CTNNA2: variants seen among roughly 807,000 people sequenced by gnomAD.
The protein encoded by CTNNA2 is catenin alpha-2.
CTNNA2 carries 42 observed loss-of-function variants against 101.0 expected under a neutral mutation model. The ratio of observed to expected loss-of-function variants is 0.42; its 90% CI spans 0.32 to 0.54. The LOEUF is 0.54. Ranked by LOEUF, CTNNA2 falls within the 20% of genes least tolerant of loss-of-function variation. The pLI is 0.14. For synonymous variants in CTNNA2, 450 were observed against 456.4 expected (o/e 0.99, Z 0.18); for missense variants, 871 against 1,223.1 (o/e 0.71, Z 4.29).
chr2:80,290,302 A>C (rs547452711), intron 7 of CTNNA2, among the ~76,000 whole-genome samples: 1 of 152,272 alleles, frequency 6.6e-6, no homozygotes, highest in East Asian at 1.9e-4. Flanking sequence ...GGAGCTGATA[A>C]GACAAAGTCC....
intron 7 of CTNNA2, among the ~76,000 whole-genome samples, chr2:79,969,098 A>T (rs1244371028): frequency 1.3e-5 from 2 of 152,172 alleles, no homozygotes; most frequent in African/African-American, 4.8e-5. Flanking sequence ...CAGACTGTTG[A>T]CTTCAGGGAC....
At chr2:80,150,843 A>G (rs1573231565) in intron 7 of CTNNA2, among the ~76,000 whole-genome samples, 1 of 152,108 alleles carries the variant, frequency 6.6e-6, no homozygotes, top group East Asian at 1.9e-4. Context: ...AAAATATATC[A>G]CCCTTTTATT....
chr2:79,314,833 CT>C (rs1371554860), intron 3 of CTNNA2, among the ~76,000 whole-genome samples: 8 of 152,180 alleles, frequency 5.3e-5, no homozygotes, highest in African/African-American at 1.9e-4. Context: ...CCTCCAGACA[CT>C]TCATTTACTT....
intron 3 of CTNNA2, among the ~76,000 whole-genome samples, chr2:79,368,214 G>C (rs79018907): frequency 1.3e-5 from 2 of 152,172 alleles, no homozygotes; most frequent in African/African-American, 2.4e-5. Flanking sequence ...TATATTTAAC[G>C]TAAGACTCCT....
At chr2:80,094,618 T>C (rs999443594) in intron 7 of CTNNA2, among the ~76,000 whole-genome samples, 1 of 151,702 alleles carries the variant, frequency 6.6e-6, no homozygotes, top group African/African-American at 2.4e-5. Flanking sequence ...TTTCACGATA[T>C]TGATTCTTCC....
chr2:79,203,488 A>G (rs1674063561), intron 2 of CTNNA2, among the ~76,000 whole-genome samples: 1 of 152,180 alleles, frequency 6.6e-6, no homozygotes, highest in Non-Finnish European at 1.5e-5. Context: ...AGCCAATGGA[A>G]ATGCTGCTGG....
At chr2:79,721,631 A>C (rs2104866112) in intron 2 of CTNNA2, among the ~76,000 whole-genome samples, 1 of 152,326 alleles carries the variant, frequency 6.6e-6, no homozygotes, top group East Asian at 1.9e-4. Context: ...ATGCACAAAC[A>C]CACACATACT....
chr2:80,238,852 G>A (rs1442710005), intron 7 of CTNNA2, among the ~76,000 whole-genome samples: 2 of 152,192 alleles, frequency 1.3e-5, no homozygotes, highest in African/African-American at 2.4e-5. Flanking sequence ...ACGCCACAGG[G>A]ATAAATCAGA....
chr2:79,769,363 G>A (rs1276651045), intron 3 of CTNNA2, among the ~76,000 whole-genome samples: 1 of 152,120 alleles, frequency 6.6e-6, no homozygotes, highest in Non-Finnish European at 1.5e-5. Flanking sequence ...GATGTTCAAG[G>A]AGACTGAAGT....
rs917868449 is a variant in CTNNA2, at chr2:79,590,201, A to G, written c.-5-61351A>G. Reference sequence around the variant, plus strand: ...GAGGAGGCGGGTGAGCTTTTCCTCTAGCAACTTTGCTGAAACATGTATACT... The same window carrying G: ...GAGGAGGCGGGTGAGCTTTTCCTCTGGCAACTTTGCTGAAACATGTATACT... On this transcript the variant is annotated intron_variant, in intron 1 of 18. Transcript: ENST00000402739. Among the ~76,000 whole-genome samples the G allele has an allele frequency of 2.0e-5, 3 of 152,216 alleles. No individual in the cohort carries two copies. The South Asian group carries it at 6.2e-4, about 31-fold the overall frequency.
intron 7 of CTNNA2, among the ~76,000 whole-genome samples, chr2:80,024,088 GAAAA>G (rs1158051768): frequency 5.5e-5 from 3 of 54,744 alleles, no homozygotes; most frequent in East Asian, 5.8e-4. Flanking sequence ...CTCCGTCTCA[GAAAA>G]AAAAAAAAAA....
chr2:80,567,867 C>T (rs1417283946), intron 12 of CTNNA2, among the ~76,000 whole-genome samples: 1 of 152,066 alleles, frequency 6.6e-6, no homozygotes, highest in Admixed American at 6.5e-5. Context: ...TTTTTAGATT[C>T]CTTTCAATGC....
intron 7 of CTNNA2, among the ~76,000 whole-genome samples, chr2:80,280,368 A>G (rs943687227): frequency 1.3e-4 from 20 of 151,388 alleles, no homozygotes; most frequent in African/African-American, 4.4e-4. Context: ...AAGTTGGTCT[A>G]TACATATCAA....
chr2:80,409,605 A>G (rs1440087185), intron 8 of CTNNA2, among the ~76,000 whole-genome samples: 1 of 152,174 alleles, frequency 6.6e-6, no homozygotes, highest in Non-Finnish European at 1.5e-5. Flanking sequence ...ATGCCAGTGG[A>G]AGGAATAAAT....
chr2:80,558,442 TGG>T (rs1693236378), intron 12 of CTNNA2, among the ~76,000 whole-genome samples: 1 of 78,136 alleles, frequency 1.3e-5, no homozygotes, highest in Admixed American at 1.8e-4. Flanking sequence ...AAAGTTTTGT[TGG>T]TGTGTGTGTG....
intron 7 of CTNNA2, among the ~76,000 whole-genome samples, chr2:80,120,742 C>G (rs1029699903): frequency 1.3e-5 from 2 of 152,058 alleles, no homozygotes; most frequent in African/African-American, 4.8e-5. Flanking sequence ...TATCAGGGCT[C>G]CGGATCATAT....
At chr2:80,304,907 CAAAAAAAAAAA>C (rs56174873) in intron 7 of CTNNA2, among the ~76,000 whole-genome samples, 10 of 73,818 alleles carry the variant, frequency 1.4e-4, no homozygotes, top group Admixed American at 7.8e-4. Context: ...GTCCATATTT[CAAAAAAAAAAA>C]AAAAAAAAAA....
intron 4 of CTNNA2, among the ~76,000 whole-genome samples, chr2:79,858,703 G>A (rs747560165): frequency 7.2e-5 from 11 of 152,024 alleles, no homozygotes; most frequent in Non-Finnish European, 1.6e-4. Context: ...CACAATTCCC[G>A]TGGCTAAAGT....
intron 7 of CTNNA2, among the ~76,000 whole-genome samples, chr2:80,111,975 A>C (rs979346735): frequency 6.6e-6 from 1 of 152,222 alleles, no homozygotes; most frequent in Non-Finnish European, 1.5e-5. Context: ...TGTTCTAGGC[A>C]CTGATGATAC....
Sources: allele counts gnomAD v4.1 joint callset (sites outside exome capture counted in the v4.1 genomes callset), GRCh38; gene constraint gnomAD v4.1.1; transcripts MANE v1.5; gene names NCBI Gene and HGNC (gene_info 2026-07-23, HGNC 2026-07-21).